CFAP299: variants seen among roughly 807,000 people sequenced by gnomAD.
CFAP299 encodes the protein cilia- and flagella-associated protein 299.
In CFAP299, 21 loss-of-function variants were observed where a neutral mutation model predicts 27.0. That is an observed-to-expected ratio of 0.78 (90% CI 0.55 to 1.12). The LOEUF is 1.12. CFAP299 is among the 50% of genes most tolerant of loss of function. CFAP299 has a pLI of 0.00. For missense variants in CFAP299, 310 were observed against 276.6 expected (o/e 1.12, Z -0.86); for synonymous variants, 104 against 98.1 (o/e 1.06, Z -0.36).
intron 2 of CFAP299, among the ~76,000 whole-genome samples, chr4:80,532,569 C>T (rs1373290864): frequency 2.0e-5 from 3 of 152,124 alleles, no homozygotes; most frequent in Non-Finnish European, 2.9e-5. Context: ...GCTTCAGTTT[C>T]CTCATTTGCA....
In CFAP299 at chr4:80,643,498, A is replaced by G. The variant is rs1739832134; in HGVS notation, c.333+60315A>G. On this transcript the variant is annotated intron_variant, in intron 3 of 5. Coordinates refer to ENST00000358105, the MANE Select transcript of CFAP299 (RefSeq NM_152770.3). Reference sequence around the variant, plus strand: ...GGATTAAATTGCAGGATAGTTGTATATTGATAGAAAATCAACTAGAGAAGA... The same window carrying G: ...GGATTAAATTGCAGGATAGTTGTATGTTGATAGAAAATCAACTAGAGAAGA... 2.0e-5 allele frequency among the ~76,000 whole-genome samples: 3 copies of G among 152,232 alleles called. No homozygotes were observed. The South Asian group carries it at 6.2e-4, about 32-fold the overall frequency.
chr4:80,445,136 A>T (rs1050796736), intron 2 of CFAP299, among the ~76,000 whole-genome samples: 5 of 152,222 alleles, frequency 3.3e-5, no homozygotes, highest in African/African-American at 9.7e-5. Flanking sequence ...AGGGTCTAGA[A>T]CCAGAAATAC....
intron 3 of CFAP299, among the ~76,000 whole-genome samples, chr4:80,837,623 T>G (rs1248320491): frequency 1.3e-5 from 2 of 152,232 alleles, no homozygotes; most frequent in African/African-American, 2.4e-5. Context: ...ACTCATTCTT[T>G]TTTATGGCTG....
At chr4:80,902,668 TTTGGTAAAGAAGAGATAG>T (rs2110196983) in intron 4 of CFAP299, among the ~76,000 whole-genome samples, 1 of 149,428 alleles carries the variant, frequency 6.7e-6, no homozygotes, top group African/African-American at 2.4e-5. Flanking sequence ...ATCATCAACC[TTTGGTAAAGAAGAGATAG>T]TTGGTTTGCT....
intron 3 of CFAP299, among the ~76,000 whole-genome samples, chr4:80,624,290 G>A (rs1738764968): frequency 6.6e-6 from 1 of 151,754 alleles, no homozygotes; most frequent in Non-Finnish European, 1.5e-5. Context: ...GATAATAATA[G>A]AGAGACTGAA....
intron 3 of CFAP299, among the ~76,000 whole-genome samples, chr4:80,684,420 C>T (rs1359203304): frequency 6.6e-6 from 1 of 152,052 alleles, no homozygotes; most frequent in African/African-American, 2.4e-5. Context: ...CCTGCTACCA[C>T]GCCCGACTAA....
chr4:80,589,542 T>C (rs1338241004), intron 3 of CFAP299, among the ~76,000 whole-genome samples: 1 of 152,154 alleles, frequency 6.6e-6, no homozygotes, highest in Non-Finnish European at 1.5e-5. Context: ...AAGCCACATA[T>C]ATATGTAATA....
intron 3 of CFAP299, among the ~76,000 whole-genome samples, chr4:80,806,678 G>A (rs1214313219): frequency 6.6e-6 from 1 of 152,186 alleles, no homozygotes; most frequent in East Asian, 1.9e-4. Flanking sequence ...AACAATTAGG[G>A]TGGGACTTGA....
At chr4:80,440,378 T>C (rs2110086026) in intron 2 of CFAP299, among the ~76,000 whole-genome samples, 1 of 152,206 alleles carries the variant, frequency 6.6e-6, no homozygotes, top group East Asian at 1.9e-4. Flanking sequence ...TCTTTGCTGC[T>C]CTGTAGCCTC....
intron 3 of CFAP299, among the ~76,000 whole-genome samples, chr4:80,647,731 T>G (rs1184123251): frequency 6.6e-6 from 1 of 152,190 alleles, no homozygotes; most frequent in African/African-American, 2.4e-5. Flanking sequence ...TAATTGTTCA[T>G]GTAATTGAAT....
At chr4:80,455,414 T>G (rs577198739) in intron 2 of CFAP299, among the ~76,000 whole-genome samples, 1 of 152,318 alleles carries the variant, frequency 6.6e-6, no homozygotes, top group East Asian at 1.9e-4. Flanking sequence ...CAGATACTTA[T>G]TCGAATTATA....
chr4:80,535,344 A>ATATCACTCTCT (rs775384992), intron 2 of CFAP299, among the ~76,000 whole-genome samples: 3 of 132,888 alleles, frequency 2.3e-5, no homozygotes, highest in South Asian at 2.5e-4. Context: ...GAAGAGCTTC[A>ATATCACTCTCT]ATTAGCCGGG....
intron 3 of CFAP299, among the ~76,000 whole-genome samples, chr4:80,772,469 T>G (rs1265105615): frequency 1.3e-5 from 2 of 152,162 alleles, no homozygotes; most frequent in African/African-American, 2.4e-5. Flanking sequence ...TCTAATCTGC[T>G]AAGTTGAATG....
chr4:80,689,034 G>A (rs1720445648), intron 3 of CFAP299, among the ~76,000 whole-genome samples: 1 of 152,134 alleles, frequency 6.6e-6, no homozygotes, highest in South Asian at 2.1e-4. Flanking sequence ...AAGAAATATG[G>A]GACTATGTGA....
chr4:80,358,869 A>G (rs922257809), intron 1 of CFAP299, among the ~76,000 whole-genome samples: 2 of 152,132 alleles, frequency 1.3e-5, no homozygotes, highest in Non-Finnish European at 2.9e-5. Flanking sequence ...CCACAGTTTT[A>G]GCTAGTTATT....
chr4:80,806,910 C>T (rs763032620), intron 3 of CFAP299, among the ~76,000 whole-genome samples: 1 of 152,110 alleles, frequency 6.6e-6, no homozygotes. Flanking sequence ...AATTTTTAAC[C>T]ATTTAAAGAT....
chr4:80,327,363 G>A, the CFAP299 span, among the ~76,000 whole-genome samples: 1 of 151,998 alleles, frequency 6.6e-6, no homozygotes, highest in Non-Finnish European at 1.5e-5. Flanking sequence ...TAAGAGATAA[G>A]ACCAGAAAAA....
intron 2 of CFAP299, among the ~76,000 whole-genome samples, chr4:80,551,474 G>A (rs1734508610): frequency 6.6e-6 from 1 of 152,040 alleles, no homozygotes; most frequent in African/African-American, 2.4e-5. Flanking sequence ...AAGATATTTA[G>A]ACGTAAATGA....
At chr4:80,662,001 G>A (rs1243552218) in intron 3 of CFAP299, among the ~76,000 whole-genome samples, 2 of 152,040 alleles carry the variant, frequency 1.3e-5, no homozygotes, top group African/African-American at 2.4e-5. Flanking sequence ...AAAAAATTTT[G>A]GTCAGACTGG....
Sources: gnomAD v4.1 joint callset for allele counts (sites outside exome capture counted in the v4.1 genomes callset) on GRCh38, gnomAD v4.1.1 for gene constraint, MANE v1.5 for transcripts, NCBI Gene and HGNC (gene_info 2026-07-23, HGNC 2026-07-21) for gene names.